LCMT1: variants seen among roughly 807,000 people sequenced by gnomAD.
LCMT1 encodes leucine carboxyl methyltransferase 1.
In LCMT1, 32 loss-of-function variants were observed where a neutral mutation model predicts 47.7. The ratio of observed to expected loss-of-function variants is 0.67; its 90% CI spans 0.51 to 0.90. The LOEUF (loss-of-function observed/expected upper bound fraction) is 0.90, where lower values mean the gene tolerates loss of function less well. Ranked by LOEUF, LCMT1 falls within the 40% of genes least tolerant of loss-of-function variation. The pLI, the probability that LCMT1 is intolerant of heterozygous loss-of-function variation, is 0.00. For synonymous variants in LCMT1, 152 were observed against 149.7 expected (o/e 1.02, Z -0.11); for missense variants, 375 against 415.2 (o/e 0.90, Z 0.84).
chr16:25,130,648 A>G (rs1567311690), intron 2 of LCMT1, among the ~76,000 whole-genome samples: 1 of 152,246 alleles, frequency 6.6e-6, no homozygotes, highest in Non-Finnish European at 1.5e-5. Context: ...CCTGTCTCAA[A>G]AAAAAGAATC....
chr16:25,173,666 G>A (rs1013305161), intron 9 of LCMT1, among the ~76,000 whole-genome samples: 5 of 151,900 alleles, frequency 3.3e-5, no homozygotes, highest in South Asian at 2.1e-4. Flanking sequence ...TGAAAATGCC[G>A]GACTTTTCCT....
At chr16:25,177,661 C>T (rs193073443) in intron 10 of LCMT1, among the ~76,000 whole-genome samples, 76 of 152,228 alleles carry the variant, frequency 5.0e-4, no homozygotes, top group African/African-American at 1.6e-3. Context: ...CCCACTGACC[C>T]GTGACTGCTT....
chr16:25,163,437 C>A (rs1201345824), intron 6 of LCMT1, among the ~76,000 whole-genome samples: 2 of 148,536 alleles, frequency 1.3e-5, no homozygotes, highest in Non-Finnish European at 3.0e-5. Context: ...CCACTCCACT[C>A]CAGCCTGGTG....
intron 5 of LCMT1, among the ~76,000 whole-genome samples, chr16:25,155,761 G>A (rs781675585): frequency 7.3e-5 from 11 of 150,884 alleles, no homozygotes; most frequent in Non-Finnish European, 1.5e-4. Context: ...GCTCACTGCA[G>A]CCTTGAACTC....
At position 25,111,820 on chromosome 16, in the gene LCMT1, C is replaced by T. The variant is rs1959618731; in HGVS notation, c.-64C>T. 1 of 1,143,164 alleles carries T rather than the reference C, an allele frequency of 8.7e-7. No homozygotes were observed. The highest frequency in any genetic ancestry group is 2.0e-5 in the Admixed American group (1 of 50,920). The allele number at this position is 1,143,164 out of a possible 1,614,324, so 70.8% of individuals were successfully genotyped here. A position where few individuals can be genotyped will look rare whatever the true frequency, so the allele number is the denominator to read the frequency against. Reference sequence around the variant, plus strand: ...TTCTCCCTGTGGCTCGCGCCGTCCCCCGCCGCCCGTCGACCCCGCTTCCAT... The same window carrying T: ...TTCTCCCTGTGGCTCGCGCCGTCCCTCGCCGCCCGTCGACCCCGCTTCCAT... On this transcript the variant is annotated 5_prime_UTR_variant, in exon 1 of 11. Coordinates refer to ENST00000399069, the MANE Select transcript of LCMT1 (RefSeq NM_016309.3).
intron 3 of LCMT1, among the ~76,000 whole-genome samples, chr16:25,138,898 C>T (rs1158424842): frequency 6.6e-6 from 1 of 152,084 alleles, no homozygotes; most frequent in African/African-American, 2.4e-5. Flanking sequence ...TCTTCACAAC[C>T]CCATAAAGTG....
chr16:25,175,492 C>A (rs542295852), intron 10 of LCMT1, among the ~76,000 whole-genome samples: 1 of 150,844 alleles, frequency 6.6e-6, no homozygotes, highest in Non-Finnish European at 1.5e-5. Context: ...AATAGCCAGG[C>A]GTGGTGGCAG....
intron 1 of LCMT1, among the ~76,000 whole-genome samples, chr16:25,122,460 T>C (rs952091815): frequency 6.6e-6 from 1 of 152,004 alleles, no homozygotes; most frequent in Non-Finnish European, 1.5e-5. Context: ...AGGCGTGCAC[T>C]ACCATGCCCG....
intron 7 of LCMT1, among the ~76,000 whole-genome samples, chr16:25,167,097 A>G (rs928700813): frequency 6.6e-6 from 1 of 152,170 alleles, no homozygotes; most frequent in Non-Finnish European, 1.5e-5. Context: ...CTGACCAGAG[A>G]TCTTGTCACT....
At chr16:25,168,952 G>A (rs1297650570) in intron 7 of LCMT1, among the ~76,000 whole-genome samples, 160 bp from the exon 8 acceptor site, 1 of 152,162 alleles carries the variant, frequency 6.6e-6, no homozygotes, top group Non-Finnish European at 1.5e-5. Flanking sequence ...TTATGCTCCC[G>A]CCAGCACCGT....
At chr16:25,176,706 C>T (rs182098259) in intron 10 of LCMT1, among the ~76,000 whole-genome samples, 66 of 150,140 alleles carry the variant, frequency 4.4e-4, no homozygotes, top group East Asian at 2.8e-3. Context: ...GGATTACAGG[C>T]GTCCACCACC....
At chr16:25,153,694 T>C (rs1567322127) in intron 5 of LCMT1, among the ~76,000 whole-genome samples, 1 of 152,180 alleles carries the variant, frequency 6.6e-6, no homozygotes, top group Non-Finnish European at 1.5e-5. Context: ...GGCTCACGCC[T>C]GTAATCCCAG....
chr16:25,162,569 A>C (rs997766562), intron 6 of LCMT1, among the ~76,000 whole-genome samples: 32 of 150,960 alleles, frequency 2.1e-4, no homozygotes, highest in African/African-American at 7.8e-4. Context: ...AGCCTGGACA[A>C]CAGAGCAAGA....
intron 3 of LCMT1, among the ~76,000 whole-genome samples, chr16:25,134,587 T>C (rs1960449502): frequency 6.6e-6 from 1 of 152,166 alleles, no homozygotes; most frequent in Non-Finnish European, 1.5e-5. Context: ...ATCTGTTGTA[T>C]CTTTGTTTTT....
Position 25,111,821 on chromosome 16 carries a change from C to T in LCMT1, c.-63C>T. On this transcript the variant is annotated 5_prime_UTR_variant, in exon 1 of 11. Transcript: ENST00000399069. Reference sequence around the variant, plus strand: ...TCTCCCTGTGGCTCGCGCCGTCCCCCGCCGCCCGTCGACCCCGCTTCCATG... The same window carrying T: ...TCTCCCTGTGGCTCGCGCCGTCCCCTGCCGCCCGTCGACCCCGCTTCCATG... The T allele has an allele frequency of 8.7e-7, 1 of 1,143,260 alleles. No individual in the cohort carries two copies. The highest frequency in any genetic ancestry group is 1.3e-5 in the South Asian group (1 of 76,596). The allele number at this position is 1,143,260 out of a possible 1,614,324, so 70.8% of individuals were successfully genotyped here.
chr16:25,132,364 G>A (rs780349762), intron 2 of LCMT1, 38 bp from the exon 3 acceptor site: 4 of 1,610,460 alleles, frequency 2.5e-6, no homozygotes, highest in South Asian at 1.1e-5. Context: ...TGTCATCACT[G>A]GGTGATAGCT....
rs1198016426 is a variant in LCMT1, at chr16:25,113,146, A to AAG, written c.113+1151_113+1152insGA. ...AGAGTGCGAGACTATGTCTCAAAAA[A>AAG]AAAAAAAAAAAAAAGTGAGAAGAAA... On this transcript the variant is annotated intron_variant, in intron 1 of 10. Coordinates refer to ENST00000399069, the MANE Select transcript of LCMT1 (RefSeq NM_016309.3). 2.0e-5 allele frequency among the ~76,000 whole-genome samples: 3 copies of AAG among 148,582 alleles called. No homozygotes were observed. In the East Asian group the frequency reaches 5.8e-4, roughly 29 times the overall value.
In LCMT1 at chr16:25,111,814, C is replaced by A; in HGVS notation, c.-70C>A. On this transcript the variant is annotated 5_prime_UTR_variant, in exon 1 of 11. Transcript: ENST00000399069. Reference sequence around the variant, plus strand: ...GTTGCTTTCTCCCTGTGGCTCGCGCCGTCCCCCGCCGCCCGTCGACCCCGC... The same window carrying A: ...GTTGCTTTCTCCCTGTGGCTCGCGCAGTCCCCCGCCGCCCGTCGACCCCGC... 3 of 1,031,270 alleles carry A rather than the reference C, an allele frequency of 2.9e-6. No homozygotes were observed. In the South Asian group the frequency reaches 4.1e-5, roughly 14 times the overall value. 63.9% of individuals were successfully genotyped at this position (1,031,270 alleles called of 1,614,324 possible).
At chr16:25,118,561 A>G (rs559793560) in intron 1 of LCMT1, among the ~76,000 whole-genome samples, 1 of 152,220 alleles carries the variant, frequency 6.6e-6, no homozygotes, top group South Asian at 2.1e-4. Context: ...GAAACAAATC[A>G]GCACAATATG....
Sources: gnomAD v4.1 joint callset for allele counts (sites outside exome capture counted in the v4.1 genomes callset) on GRCh38, gnomAD v4.1.1 for gene constraint, MANE v1.5 for transcripts, NCBI Gene and HGNC (gene_info 2026-07-23, HGNC 2026-07-21) for gene names.